Variants in PRKCA observed in about 807,000 individuals in gnomAD.
The protein encoded by PRKCA is protein kinase C alpha type.
PRKCA carries 27 observed loss-of-function variants against 87.0 expected under a neutral mutation model. That is an observed-to-expected ratio of 0.31 (90% CI 0.23 to 0.43). PRKCA has a LOEUF of 0.43. Among genes scored for constraint, PRKCA ranks in the 20% least tolerant of loss-of-function variants. PRKCA has a pLI of 1.00. For missense variants in PRKCA, 518 were observed against 852.3 expected (o/e 0.61, Z 4.88); for synonymous variants, 329 against 311.1 (o/e 1.06, Z -0.61).
chr17:66,609,685 C>CG (rs762419797), intron 3 of PRKCA, among the ~76,000 whole-genome samples: 2 of 150,468 alleles, frequency 1.3e-5, no homozygotes, highest in African/African-American at 2.4e-5. Context: ...AGGAAGGGAA[C>CG]GGGGAAAAAA....
chr17:66,402,414 ATT>A (rs368233389), intron 2 of PRKCA, among the ~76,000 whole-genome samples: 48 of 133,672 alleles, frequency 3.6e-4, no homozygotes, highest in African/African-American at 1.1e-3. Context: ...AGGCCAAGAA[ATT>A]TTTTTTTTTT....
At chr17:66,554,877 A>G (rs544226987) in intron 3 of PRKCA, among the ~76,000 whole-genome samples, 1 of 118,614 alleles carries the variant, frequency 8.4e-6, no homozygotes, top group Admixed American at 8.9e-5. Flanking sequence ...TAGATTGTAA[A>G]TTCTTTTTTT....
intron 16 of PRKCA, among the ~76,000 whole-genome samples, chr17:66,790,989 TG>T (rs894461650): frequency 4.4e-5 from 6 of 135,760 alleles, no homozygotes; most frequent in Non-Finnish European, 9.3e-5. Context: ...TACTGTTTGC[TG>T]GTTTTTTTTT....
In PRKCA at chr17:66,423,828, A is replaced by G. The variant is rs183913885; in HGVS notation, c.206-72373A>G. Among the ~76,000 whole-genome samples, 31 of 152,268 alleles carry G rather than the reference A, an allele frequency of 2.0e-4. 1 individual carries two copies. Among genetic ancestry groups the G allele is most frequent in the Admixed American group, 1.9e-3 (29 of 15,286 alleles). ...TGGAGCCGAATGTGTTTAAGAATTCAATCTTTTAAGTGCCGGTGATGTCAG... is the reference window on the plus strand; with the variant it reads ...TGGAGCCGAATGTGTTTAAGAATTCGATCTTTTAAGTGCCGGTGATGTCAG... On this transcript the variant is annotated intron_variant, in intron 2 of 16. Coordinates refer to ENST00000413366, the MANE Select transcript of PRKCA (RefSeq NM_002737.3).
At position 66,781,895 on chromosome 17, in the gene PRKCA, T is replaced by TATATA. The variant is rs1568030817; in HGVS notation, c.1606-4972_1606-4971insATATA. On this transcript the variant is annotated intron_variant, in intron 14 of 16. Coordinates refer to ENST00000413366, the MANE Select transcript of PRKCA (RefSeq NM_002737.3). ...TATATATATATATATATAGTGTGTG[T>TATATA]GTGTGTGTGTGTGTGTGTGTGTGAG... Among the ~76,000 whole-genome samples the TATATA allele has an allele frequency of 1.0e-4, 15 of 143,378 alleles. No homozygotes were observed. In the East Asian group the frequency reaches 2.9e-3, roughly 28 times the overall value. The allele number at this position is 143,378 out of a possible 152,430, so 94.1% of individuals were successfully genotyped here. A position where few individuals can be genotyped will look rare whatever the true frequency, so the allele number is the denominator to read the frequency against.
chr17:66,454,770 G>C (rs78538448), intron 2 of PRKCA, among the ~76,000 whole-genome samples: 1 of 152,290 alleles, frequency 6.6e-6, no homozygotes, highest in Non-Finnish European at 1.5e-5. Flanking sequence ...AGGAATTTAC[G>C]GGAGGTACAA....
At chr17:66,655,237 C>T (rs1478263176) in intron 5 of PRKCA, among the ~76,000 whole-genome samples, 1 of 152,218 alleles carries the variant, frequency 6.6e-6, no homozygotes, top group Non-Finnish European at 1.5e-5. Context: ...ACTCTATCTT[C>T]TTCCTTGATT....
chr17:66,437,731 T>TTTTTTTTTTTTTTGGGG (rs55779501), intron 2 of PRKCA, among the ~76,000 whole-genome samples: 2 of 11,142 alleles, frequency 1.8e-4, no homozygotes, highest in Non-Finnish European at 1.6e-4. Flanking sequence ...TTTTTTTTTT[T>TTTTTTTTTTTTTTGGGG]GAGCGGGGGG....
intron 2 of PRKCA, among the ~76,000 whole-genome samples, chr17:66,384,866 G>A (rs1053521957): frequency 3.0e-4 from 45 of 152,034 alleles, no homozygotes; most frequent in African/African-American, 7.2e-5. Flanking sequence ...TCCTGACCTC[G>A]TGATCCGCCC....
At chr17:66,557,826 G>GA (rs946933454) in intron 3 of PRKCA, among the ~76,000 whole-genome samples, 4 of 152,150 alleles carry the variant, frequency 2.6e-5, no homozygotes, top group African/African-American at 4.8e-5. Context: ...ACAGGCCTGT[G>GA]AGGGGGTGTT....
chr17:66,752,576 C>A (rs1218473352), intron 13 of PRKCA, among the ~76,000 whole-genome samples: 2 of 152,138 alleles, frequency 1.3e-5, no homozygotes, highest in Non-Finnish European at 2.9e-5. Context: ...CCAGCCTGGG[C>A]AACAGCAAGA....
intron 2 of PRKCA, among the ~76,000 whole-genome samples, chr17:66,402,822 C>T (rs1317188503): frequency 1.3e-5 from 2 of 152,060 alleles, no homozygotes; most frequent in Non-Finnish European, 2.9e-5. Context: ...AAGAGATGGG[C>T]TGAAAGCTTT....
intron 8 of PRKCA, among the ~76,000 whole-genome samples, chr17:66,708,781 A>C (rs1973249436): frequency 6.6e-6 from 1 of 152,192 alleles, no homozygotes; most frequent in Admixed American, 6.5e-5. Flanking sequence ...TGCCTGATTA[A>C]ATTTCCTCTA....
At chr17:66,736,465 A>T (rs1429852771) in intron 10 of PRKCA, among the ~76,000 whole-genome samples, 1 of 151,866 alleles carries the variant, frequency 6.6e-6, no homozygotes, top group African/African-American at 2.4e-5. Context: ...TTTAGTAGAG[A>T]TGGGGTTTCA....
chr17:66,542,179 G>A (rs1298908069), intron 3 of PRKCA, among the ~76,000 whole-genome samples: 1 of 152,178 alleles, frequency 6.6e-6, no homozygotes, highest in Admixed American at 6.5e-5. Flanking sequence ...TTATTACAGA[G>A]AGGCCTTAAG....
intron 14 of PRKCA, among the ~76,000 whole-genome samples, chr17:66,781,919 A>T (rs9911966): frequency 0.19 from 25,467 of 131,676 alleles, 2,199 homozygotes; most frequent in East Asian, 0.21. Context: ...TGTGTGTGTG[A>T]GTGAGTGTGA....
In PRKCA at chr17:66,804,029, G is replaced by T. The variant is rs1171007232; in HGVS notation, c.2011G>T (p.Ala671Ser). 1.9e-6 allele frequency: 3 copies of T among 1,609,806 alleles called. No individual in the cohort carries two copies. The highest frequency in any genetic ancestry group is 2.5e-6 in the Non-Finnish European group (3 of 1,176,754). Residue 671 changes from alanine to serine, a missense_variant, in exon 17 of 17, where the codon GCA becomes TCA. Around this residue, in one of 5 missense-constraint regions of PRKCA, gnomAD observed 159 missense variants for 232.4 expected, o/e 0.68. Coordinates refer to ENST00000413366, the MANE Select transcript of PRKCA (RefSeq NM_002737.3). ...GTTTGTGCACCCCATCTTACAGAGT[G>T]CAGTATGAAACTCACCAGCGAGAAC... ...PQFVHPILQS[A>S]V
intron 2 of PRKCA, among the ~76,000 whole-genome samples, chr17:66,310,007 A>G (rs1325160753): frequency 6.6e-6 from 1 of 152,212 alleles, no homozygotes; most frequent in Non-Finnish European, 1.5e-5. Context: ...GAGCTGAAAC[A>G]GTGTTATCCA....
intron 12 of PRKCA, 52 bp downstream of exon 12, chr17:66,741,773 C>T (rs2144234382): frequency 1.9e-6 from 3 of 1,553,792 alleles, no homozygotes; most frequent in East Asian, 4.5e-5. Flanking sequence ...TTAGCTGGGC[C>T]TCTGTGGGCA....
Sources: allele counts gnomAD v4.1 joint callset (sites outside exome capture counted in the v4.1 genomes callset), GRCh38; gene constraint gnomAD v4.1.1; regional missense constraint gnomAD v4.1.1; transcripts MANE v1.5; gene names NCBI Gene and HGNC (gene_info 2026-07-23, HGNC 2026-07-21).